ZYG11B: variants seen among roughly 807,000 people sequenced by gnomAD.
ZYG11B encodes protein zyg-11 homolog B.
A neutral mutation model predicts 82.4 loss-of-function variants in ZYG11B; 36 were observed. The observed-to-expected ratio is 0.44, with a 90% CI of 0.33 to 0.58. ZYG11B has a LOEUF of 0.58. Among genes scored for constraint, ZYG11B ranks in the 20% least tolerant of loss-of-function variants. ZYG11B has a pLI of 0.02. For missense variants in ZYG11B, 552 were observed against 895.6 expected, an observed-to-expected ratio of 0.62 and a Z score of 4.90; for synonymous variants, 303 against 312.8, an observed-to-expected ratio of 0.97 and a Z score of 0.33.
At chr1:52,815,737 A>T (rs1246151308) in intron 12 of ZYG11B, among the ~76,000 whole-genome samples, 1 of 152,134 alleles carries the variant, frequency 6.6e-6, no homozygotes, top group Non-Finnish European at 1.5e-5. Flanking sequence ...GATCGAGACT[A>T]TCCTGGCTAA....
chr1:52,770,930 G>A, intron 2 of ZYG11B, 90 bp from the exon 3 acceptor site: 2 of 1,363,556 alleles, frequency 1.5e-6, no homozygotes, highest in South Asian at 2.7e-5. Flanking sequence ...ACTGTTACAT[G>A]GGAGCGCTTT....
intron 3 of ZYG11B, among the ~76,000 whole-genome samples, chr1:52,777,618 C>T (rs1168089168): frequency 6.6e-6 from 1 of 151,922 alleles, no homozygotes; most frequent in Non-Finnish European, 1.5e-5. Flanking sequence ...TTTTTCTTTT[C>T]TTTTATAGAG....
chr1:52,764,858 T>G (rs1279363005), intron 2 of ZYG11B, among the ~76,000 whole-genome samples: 1 of 152,166 alleles, frequency 6.6e-6, no homozygotes. Flanking sequence ...GTCAGTAACA[T>G]AAAGGCGGGC....
chr1:52,796,458 C>G, intron 7 of ZYG11B, 67 bp downstream of exon 7: 5 of 1,322,656 alleles, frequency 3.8e-6, no homozygotes, highest in South Asian at 3.7e-5. Flanking sequence ...CTGTTTCCCC[C>G]CAAAAGCTGT....
At chr1:52,795,295 G>A (rs890016868) in intron 6 of ZYG11B, among the ~76,000 whole-genome samples, 6 of 152,066 alleles carry the variant, frequency 3.9e-5, no homozygotes, top group African/African-American at 9.7e-5. Context: ...TGCCAGTCTC[G>A]CCTTCCACCA....
Position 52,771,680 on chromosome 1 carries a change from C to G in ZYG11B, c.857C>G (p.Ala286Gly), listed in dbSNP as rs756327281. The change falls in exon 3 of 14, where the codon GCC (alanine) becomes GGC (glycine). Residue 286 changes from alanine (A) to glycine (G), a missense_variant. This residue lies in a region of ZYG11B where 359 missense variants were observed against 555.8 expected (regional missense o/e 0.65). Coordinates refer to ENST00000294353, the MANE Select transcript of ZYG11B (RefSeq NM_024646.3). The surrounding 1 kb of genome is among the most constrained non-coding windows in gnomAD (Gnocchi z 5.4). Reference protein sequence around the residue: ...RKHVTDKAVEAFIQQRPSMQF... With the variant: ...RKHVTDKAVEGFIQQRPSMQF... ...CACGTGACAGATAAAGCCGTTGAAG[C>G]CTTTATACAACAACGTCCAAGCATG... 5 of 1,614,054 alleles carry G rather than the reference C, an allele frequency of 3.1e-6. No individual in the cohort carries two copies.
Position 52,824,201 on chromosome 1 carries a change from A to G in ZYG11B, c.*2572A>G, listed in dbSNP as rs1645307036. 6.6e-6 allele frequency: 1 copy of G among 151,998 alleles called. No homozygotes were observed. The highest frequency in any genetic ancestry group is 1.5e-5 in the Non-Finnish European group (1 of 68,012). 9.4% of individuals were successfully genotyped at this position (151,998 alleles called of 1,614,324 possible). ...AGACAGAGTTTCACTCTGTCGCCCA[A>G]GCTGGAGTGCAGTGGCACAATCATA... On this transcript the variant is annotated 3_prime_UTR_variant, in exon 14 of 14. Coordinates refer to ENST00000294353, the MANE Select transcript of ZYG11B (RefSeq NM_024646.3).
At chr1:52,745,586 A>G (rs1465873212) in intron 1 of ZYG11B, among the ~76,000 whole-genome samples, 1 of 152,122 alleles carries the variant, frequency 6.6e-6, no homozygotes, top group East Asian at 1.9e-4. Flanking sequence ...TTTGTTTGTT[A>G]TGGAGTCTCA....
chr1:52,813,547 T>A lies in ZYG11B; in HGVS notation c.1707T>A (p.Ala569=). Residue 569 remains alanine, a synonymous_variant, in exon 11 of 14, where the codon GCT becomes GCA. Transcript: ENST00000294353. The stretch of plus-strand genomic sequence containing the variant: ...TTTTTTTTTTCCAGAACAATATAGC[T>A]GAAGTACAAGAATTACATTCTGAAT... The part of the protein sequence containing the change: ...QKVLGLLNNI[A]EVQELHSELM... 3 of 1,611,366 alleles carry A rather than the reference T, an allele frequency of 1.9e-6. No individual in the cohort carries two copies. In the South Asian group the frequency reaches 3.3e-5, roughly 18 times the overall value.
At chr1:52,793,458 C>G (rs1442646928) in intron 6 of ZYG11B, among the ~76,000 whole-genome samples, 1 of 151,922 alleles carries the variant, frequency 6.6e-6, no homozygotes, top group East Asian at 1.9e-4. Flanking sequence ...GCCACTGCAC[C>G]CCAGCTTGGG....
At chr1:52,817,438 C>T (rs1645234575) in intron 13 of ZYG11B, among the ~76,000 whole-genome samples, 1 of 151,960 alleles carries the variant, frequency 6.6e-6, no homozygotes, top group African/African-American at 2.4e-5. Context: ...ATCACTGGAG[C>T]TGGAGTGCAG....
At chr1:52,744,158 AAC>A (rs1644457754) in intron 1 of ZYG11B, among the ~76,000 whole-genome samples, 1 of 151,990 alleles carries the variant, frequency 6.6e-6, no homozygotes, top group African/African-American at 2.4e-5. Flanking sequence ...GCTGGTCTCA[AAC>A]TCCTAACCTT....
At chr1:52,797,403 A>T (rs34823658) in intron 8 of ZYG11B, among the ~76,000 whole-genome samples, 7,069 of 95,848 alleles carry the variant, frequency 0.074, 410 homozygotes, top group African/African-American at 0.18. Context: ...TCATATATGA[A>T]ATATATATCA....
Position 52,771,567 on chromosome 1 carries a change from A to G in ZYG11B, c.744A>G (p.Lys248=). The change falls in exon 3 of 14, where the codon AAA becomes AAG. Residue 248 remains lysine, a synonymous_variant. Coordinates refer to ENST00000294353, the MANE Select transcript of ZYG11B (RefSeq NM_024646.3). This position sits in a 1 kb window ranked among gnomAD's most constrained non-coding sequence, Gnocchi z 5.4. ...HLNHLDISDD[K]QFTSDIALRL... is the part of the protein sequence containing the mutation. ...ATCATCTTGATATCTCAGATGATAA[A>G]CAGTTTACATCAGACATAGCTCTTC... 3 of 1,614,200 alleles carry G rather than the reference A, an allele frequency of 1.9e-6. No homozygotes were observed. Among genetic ancestry groups the G allele is most frequent in the Non-Finnish European group, 2.5e-6 (3 of 1,180,022 alleles).
intron 3 of ZYG11B, among the ~76,000 whole-genome samples, chr1:52,775,273 G>A (rs1403093285): frequency 6.6e-6 from 1 of 152,180 alleles, no homozygotes; most frequent in Non-Finnish European, 1.5e-5. Context: ...TTGAACTGCA[G>A]TAATCAACAT....
rs992342549 is a variant in ZYG11B at position 52,771,727 on chromosome 1, A to G, written c.904A>G (p.Thr302Ala). ...CATGCAATTTGTAGGTTTGCTGGCTACTGATGCTGGTTACTCTGAATTCCT... is the reference window on the plus strand; with the variant it reads ...CATGCAATTTGTAGGTTTGCTGGCTGCTGATGCTGGTTACTCTGAATTCCT... ...PSMQFVGLLATDAGYSEFLTG... is the reference protein window; with the variant it reads ...PSMQFVGLLAADAGYSEFLTG... Residue 302 changes from threonine (T) to alanine (A), a missense_variant, in exon 3 of 14, where the codon ACT becomes GCT. Thr to Ala is a moderately conservative substitution (Grantham distance 58). Coordinates refer to ENST00000294353, the MANE Select transcript of ZYG11B (RefSeq NM_024646.3). The surrounding 1 kb of genome is among the most constrained non-coding windows in gnomAD (Gnocchi z 5.4). 12 of 1,613,932 alleles carry G rather than the reference A, an allele frequency of 7.4e-6. No individual in the cohort carries two copies. The highest frequency in any genetic ancestry group is 2.2e-5 in the South Asian group (2 of 91,058).
intron 12 of ZYG11B, among the ~76,000 whole-genome samples, chr1:52,814,186 A>G (rs1645205780): frequency 6.6e-6 from 1 of 151,960 alleles, no homozygotes; most frequent in African/African-American, 2.4e-5. Flanking sequence ...ACGCCCCGCT[A>G]ATTTTTGTAT....
At chr1:52,763,991 C>G (rs2149934051) in intron 2 of ZYG11B, among the ~76,000 whole-genome samples, 1 of 152,342 alleles carries the variant, frequency 6.6e-6, no homozygotes, top group African/African-American at 2.4e-5. Context: ...CTGGTCACTT[C>G]AGCTGTCTGT....
At chr1:52,777,472 TCTCA>T (rs1644819811) in intron 3 of ZYG11B, among the ~76,000 whole-genome samples, 2 of 152,168 alleles carry the variant, frequency 1.3e-5, no homozygotes, top group Admixed American at 6.6e-5. Context: ...TTTGATAGAG[TCTCA>T]CTCTGTTGCG....
Sources: gnomAD v4.1 joint callset for allele counts (sites outside exome capture counted in the v4.1 genomes callset) on GRCh38, gnomAD v4.1.1 for gene constraint, gnomAD v4.1.1 regional missense constraint, Gnocchi (gnomAD v3.1) non-coding constraint, MANE v1.5 for transcripts, NCBI Gene and HGNC (gene_info 2026-07-23, HGNC 2026-07-21) for gene names.